KIAA1217: variants seen among roughly 807,000 people sequenced by gnomAD.
KIAA1217 encodes the protein sickle tail protein homolog.
KIAA1217 carries 88 observed loss-of-function variants against 163.9 expected under a neutral mutation model. The ratio of observed to expected loss-of-function variants is 0.54; its 90% CI spans 0.45 to 0.64. KIAA1217 has a LOEUF of 0.64. KIAA1217 is among the 30% of genes least tolerant of loss of function. KIAA1217 has a pLI of 0.00. For missense variants in KIAA1217, 2,372 were observed against 2,475.0 expected, an observed-to-expected ratio of 0.96 and a Z score of 0.88; for synonymous variants, 903 against 923.1, an observed-to-expected ratio of 0.98 and a Z score of 0.39.
upstream of KIAA1217, chr10:24,208,884 CAT>C: frequency 3.5e-6 from 1 of 289,556 alleles, no homozygotes; most frequent in Non-Finnish European, 6.6e-6. Flanking sequence ...CACACCCCCG[CAT>C]CGCCCTGCCC....
At chr10:24,312,441 C>A (rs2042824012) in intron 2 of KIAA1217, among the ~76,000 whole-genome samples, 1 of 152,102 alleles carries the variant, frequency 6.6e-6, no homozygotes, top group South Asian at 2.1e-4. Flanking sequence ...GATGGTAAAA[C>A]CTCGTCTCTA....
chr10:24,009,619 T>C (rs1847155920), intron 2 of KIAA1217, among the ~76,000 whole-genome samples: 1 of 152,156 alleles, frequency 6.6e-6, no homozygotes, highest in Non-Finnish European at 1.5e-5. Context: ...TGCATGGGGT[T>C]GACCTGTTGG....
chr10:24,458,433 G>C (rs990621291), intron 5 of KIAA1217, among the ~76,000 whole-genome samples: 4 of 152,088 alleles, frequency 2.6e-5, no homozygotes, highest in African/African-American at 9.7e-5. Context: ...TTGTGACTCT[G>C]GCAACACTCA....
At chr10:24,158,294 A>T (rs1404654089) in intron 2 of KIAA1217, 1 of 703,152 alleles carries the variant, frequency 1.4e-6, no homozygotes, top group Non-Finnish European at 2.7e-6. Context: ...TCCCGGTTGG[A>T]TCCTTTTTAT....
chr10:24,390,473 G>GT, intron 3 of KIAA1217, among the ~76,000 whole-genome samples: 1 of 127,306 alleles, frequency 7.9e-6, no homozygotes, highest in East Asian at 2.5e-4. Context: ...GGGAGGGAGG[G>GT]AGGGAAGGAA....
intron 2 of KIAA1217, among the ~76,000 whole-genome samples, chr10:24,266,565 A>G (rs972734999): frequency 4.6e-5 from 7 of 152,160 alleles, no homozygotes; most frequent in African/African-American, 1.7e-4. Context: ...TCTAGTTAGG[A>G]ATGTAAAACG....
intron 1 of KIAA1217, among the ~76,000 whole-genome samples, chr10:24,000,085 C>A (rs1846670698): frequency 6.6e-6 from 1 of 152,056 alleles, no homozygotes; most frequent in Non-Finnish European, 1.5e-5. Flanking sequence ...CAAATGATTA[C>A]AGTAAACCTC....
At chr10:23,821,335 G>C (rs1837614332) in intron 1 of KIAA1217, among the ~76,000 whole-genome samples, 1 of 152,084 alleles carries the variant, frequency 6.6e-6, no homozygotes, top group African/African-American at 2.4e-5. Context: ...TTTGGACATG[G>C]TCACAGGAAT....
chr10:24,366,301 C>T (rs34460675), intron 2 of KIAA1217, among the ~76,000 whole-genome samples: 2 of 152,094 alleles, frequency 1.3e-5, no homozygotes, highest in Admixed American at 6.5e-5. Flanking sequence ...AAAAATTAGC[C>T]AGCTTTGGTG....
intron 2 of KIAA1217, among the ~76,000 whole-genome samples, chr10:24,124,444 CTT>C (rs948465878): frequency 3.7e-4 from 56 of 151,934 alleles, no homozygotes; most frequent in African/African-American, 1.4e-3. Flanking sequence ...TTCTTTTTCT[CTT>C]ATTGATATCA....
In KIAA1217 at chr10:24,254,441, C is replaced by T. The variant is rs116386617; in HGVS notation, c.354+34532C>T. Among the ~76,000 whole-genome samples the T allele has an allele frequency of 1.9e-3, 283 of 152,324 alleles. 4 individuals are homozygous for T. Among genetic ancestry groups the T allele is most frequent in the African/African-American group, 6.2e-3 (257 of 41,578 alleles). ...CTCTTATCCAGCAGGACGTATTCTTCAGAGGCCATGTGTTGAAAACAGTTA... is the reference window on the plus strand; with the variant it reads ...CTCTTATCCAGCAGGACGTATTCTTTAGAGGCCATGTGTTGAAAACAGTTA... On this transcript the variant is annotated intron_variant, in intron 2 of 20. Transcript: ENST00000376454.
intron 1 of KIAA1217, among the ~76,000 whole-genome samples, chr10:23,865,172 A>G (rs1840127227): frequency 2.6e-5 from 4 of 152,146 alleles, no homozygotes; most frequent in African/African-American, 9.7e-5. Context: ...CTTCATATCA[A>G]TAATTACAAT....
chr10:24,243,587 A>G (rs577516289), intron 2 of KIAA1217, among the ~76,000 whole-genome samples: 24 of 152,210 alleles, frequency 1.6e-4, no homozygotes, highest in African/African-American at 5.8e-4. Context: ...ATGTTACTAC[A>G]AAAGACGTGT....
At chr10:24,523,834 T>C (rs2071676524) in intron 12 of KIAA1217, among the ~76,000 whole-genome samples, 1 of 152,014 alleles carries the variant, frequency 6.6e-6, no homozygotes, top group Non-Finnish European at 1.5e-5. Flanking sequence ...CCAGAGGAAG[T>C]TGAGGAATAA....
chr10:24,485,658 GA>G (rs1287346304), intron 6 of KIAA1217, among the ~76,000 whole-genome samples: 1 of 152,206 alleles, frequency 6.6e-6, no homozygotes, highest in African/African-American at 2.4e-5. Flanking sequence ...TTTGTTGAAT[GA>G]ATGAATTTAA....
chr10:24,456,269 T>C (rs2061780817), intron 5 of KIAA1217, among the ~76,000 whole-genome samples: 1 of 152,226 alleles, frequency 6.6e-6, no homozygotes, highest in African/African-American at 2.4e-5. Flanking sequence ...GTCCTCATTT[T>C]TTGCCAGTTC....
chr10:24,147,450 T>C (rs2064372236), intron 2 of KIAA1217, among the ~76,000 whole-genome samples: 1 of 152,286 alleles, frequency 6.6e-6, no homozygotes, highest in Admixed American at 6.5e-5. Context: ...ATCTGAGTTT[T>C]AGAGAGTAGA....
intron 1 of KIAA1217, among the ~76,000 whole-genome samples, chr10:23,790,408 CATATACAT>C (rs772782675): frequency 0.17 from 17,403 of 104,522 alleles, 3,931 homozygotes; most frequent in East Asian, 0.35. Context: ...TACATATATA[CATATACAT>C]ATATACATAT....
chr10:24,066,663 G>A (rs1437908442), intron 2 of KIAA1217, among the ~76,000 whole-genome samples: 1 of 152,116 alleles, frequency 6.6e-6, no homozygotes, highest in Non-Finnish European at 1.5e-5. Context: ...GGCATTCTGT[G>A]TATTTCTTGA....
Sources: allele counts gnomAD v4.1 joint callset (sites outside exome capture counted in the v4.1 genomes callset), GRCh38; gene constraint gnomAD v4.1.1; transcripts MANE v1.5; gene names NCBI Gene and HGNC (gene_info 2026-07-23, HGNC 2026-07-21).